Variants in SHROOM3 observed in about 807,000 individuals in gnomAD.
SHROOM3 encodes shroom family member 3.
In SHROOM3, 47 loss-of-function variants were observed where a neutral mutation model predicts 138.6. The ratio of observed to expected loss-of-function variants is 0.34; its 90% CI spans 0.27 to 0.43. SHROOM3 has a LOEUF of 0.43. Among genes scored for constraint, SHROOM3 ranks in the 20% least tolerant of loss-of-function variants. The pLI, the probability that SHROOM3 is intolerant of heterozygous loss-of-function variation, is 1.00. For missense variants in SHROOM3, 2,491 were observed against 2,596.5 expected, an observed-to-expected ratio of 0.96 and a Z score of 0.88; for synonymous variants, 1,062 against 1,063.3, an observed-to-expected ratio of 1.00 and a Z score of 0.02.
intron 2 of SHROOM3, among the ~76,000 whole-genome samples, chr4:76,703,592 A>T (rs1719964376): frequency 6.6e-6 from 1 of 152,214 alleles, no homozygotes; most frequent in South Asian, 2.1e-4. Flanking sequence ...AGCCTCCTGG[A>T]GACTCAAGAG....
chr4:76,756,065 T>C (rs1297637790), intron 7 of SHROOM3, among the ~76,000 whole-genome samples: 1 of 152,190 alleles, frequency 6.6e-6, no homozygotes, highest in East Asian at 1.9e-4. Flanking sequence ...CCTCAGGAGA[T>C]GACAACCTCC....
chr4:76,449,786 T>C (rs1730886449), intron 1 of SHROOM3, among the ~76,000 whole-genome samples: 1 of 152,228 alleles, frequency 6.6e-6, no homozygotes, highest in Admixed American at 6.5e-5. Context: ...CTAAATATGC[T>C]TCCAGTCCTC....
intron 2 of SHROOM3, among the ~76,000 whole-genome samples, chr4:76,624,935 C>T (rs1468685054): frequency 6.6e-6 from 1 of 152,088 alleles, no homozygotes; most frequent in African/African-American, 2.4e-5. Context: ...CCTTTATGAC[C>T]TATTGTTTCT....
chr4:76,719,553 T>G (rs377410501), intron 3 of SHROOM3, among the ~76,000 whole-genome samples: 2 of 152,252 alleles, frequency 1.3e-5, no homozygotes, highest in African/African-American at 2.4e-5. Flanking sequence ...CATCAAATTC[T>G]GCTTGATTTT....
chr4:76,632,701 G>A (rs13138866), intron 2 of SHROOM3, among the ~76,000 whole-genome samples: 35,102 of 152,030 alleles, frequency 0.23, 4,201 homozygotes, highest in East Asian at 0.38. Flanking sequence ...AGGACTACAA[G>A]CAGTATTGGT....
intron 9 of SHROOM3, 108 bp from the exon 10 acceptor site, chr4:76,770,518 A>G: frequency 7.7e-7 from 1 of 1,305,816 alleles, no homozygotes; most frequent in Non-Finnish European, 1.1e-6. Flanking sequence ...AAGGGGGAGG[A>G]TATTCAGCTG....
chr4:76,579,600 C>T (rs1226975667), intron 2 of SHROOM3, among the ~76,000 whole-genome samples: 1 of 152,248 alleles, frequency 6.6e-6, no homozygotes, highest in Non-Finnish European at 1.5e-5. Context: ...GTCAGACGAT[C>T]TGGCAGCAGT....
chr4:76,543,957 ACTT>A (rs1733159059), intron 1 of SHROOM3, among the ~76,000 whole-genome samples: 1 of 152,314 alleles, frequency 6.6e-6, no homozygotes, highest in African/African-American at 2.4e-5. Context: ...ACCTTCTTAG[ACTT>A]CTTATTAGCC....
chr4:76,752,210 C>T (rs1721647580), intron 6 of SHROOM3, among the ~76,000 whole-genome samples: 1 of 152,176 alleles, frequency 6.6e-6, no homozygotes, highest in East Asian at 1.9e-4. Context: ...CACAAAAAGA[C>T]ATACTGTATA....
At position 76,741,900 on chromosome 4, in the gene SHROOM3, T is replaced by C. The variant is rs113327098; in HGVS notation, c.3727T>C (p.Ser1243Pro). The C allele has an allele frequency of 1.2e-6, 2 of 1,612,314 alleles. No homozygotes were observed. Among genetic ancestry groups the C allele is most frequent in the South Asian group, 1.1e-5 (1 of 90,980 alleles). ...AGPVHVRSRS[S>P]PATADKRQDV... ...CCCTGTCCATGTGAGGTCCAGGTCA[T>C]CTCCCGCCACCGCAGACAAGCGCCA... The change falls in exon 5 of 11, where the codon TCT becomes CCT. Residue 1243 changes from serine to proline, a missense_variant. This residue lies in a region of SHROOM3 where 1,733 missense variants were observed against 1,661.6 expected (regional missense o/e 1.04). Coordinates refer to ENST00000296043, the MANE Select transcript of SHROOM3 (RefSeq NM_020859.4). The surrounding 1 kb of genome is among the most constrained non-coding windows in gnomAD (Gnocchi z 6.2).
At chr4:76,584,046 G>A (rs553266348) in intron 2 of SHROOM3, among the ~76,000 whole-genome samples, 9 of 152,262 alleles carry the variant, frequency 5.9e-5, no homozygotes, top group African/African-American at 2.2e-4. Flanking sequence ...TGGGTACGGC[G>A]GCTCACGCCT....
intron 2 of SHROOM3, among the ~76,000 whole-genome samples, chr4:76,627,622 A>G (rs1004685350): frequency 6.6e-6 from 1 of 151,906 alleles, no homozygotes; most frequent in African/African-American, 2.4e-5. Context: ...TATGATTATC[A>G]TAGGTTTAAA....
intron 2 of SHROOM3, among the ~76,000 whole-genome samples, chr4:76,640,993 C>A (rs947874541): frequency 6.6e-6 from 1 of 152,116 alleles, no homozygotes; most frequent in African/African-American, 2.4e-5. Context: ...AATGGGGGAT[C>A]GAAGTCCAGG....
Position 76,739,554 on chromosome 4 carries a change from C to A in SHROOM3, c.1381C>A (p.Pro461Thr), listed in dbSNP as rs756962293. The change falls in exon 5 of 11, where the codon CCT (proline) becomes ACT (threonine). Residue 461 changes from proline to threonine, a missense_variant. Coordinates refer to ENST00000296043, the MANE Select transcript of SHROOM3 (RefSeq NM_020859.4). ...NYTQKAQPGQ[P>T]LLPTSIYPVP... is the part of the protein sequence containing the mutation. ...TACCCAGAAGGCCCAACCTGGCCAA[C>A]CTCTGCTGCCGACCAGCATCTACCC... 8.7e-6 allele frequency: 14 copies of A among 1,614,090 alleles called. No individual in the cohort carries two copies. The highest frequency in any genetic ancestry group is 1.3e-5 in the African/African-American group (1 of 74,938).
intron 2 of SHROOM3, among the ~76,000 whole-genome samples, chr4:76,690,925 T>C (rs1719512416): frequency 1.3e-5 from 2 of 152,124 alleles, no homozygotes; most frequent in Non-Finnish European, 2.9e-5. Context: ...TAAACTTACT[T>C]AAAAAAATGT....
intron 10 of SHROOM3, among the ~76,000 whole-genome samples, chr4:76,775,758 CCATA>C (rs1722537391): frequency 6.6e-6 from 1 of 150,930 alleles, no homozygotes; most frequent in African/African-American, 2.4e-5. Context: ...TATACACACA[CCATA>C]TATATGTGTA....
At chr4:76,671,353 C>A (rs182000744) in intron 2 of SHROOM3, among the ~76,000 whole-genome samples, 2 of 152,342 alleles carry the variant, frequency 1.3e-5, no homozygotes. Flanking sequence ...TTAAAAACTT[C>A]CAATGGCTTC....
chr4:76,767,709 C>T (rs990082023), intron 9 of SHROOM3, among the ~76,000 whole-genome samples: 2 of 151,966 alleles, frequency 1.3e-5, no homozygotes, highest in African/African-American at 4.8e-5. Context: ...AAAGCAGCCT[C>T]TAAGAGCCAC....
intron 1 of SHROOM3, among the ~76,000 whole-genome samples, chr4:76,463,919 T>C (rs1731193900): frequency 6.6e-6 from 1 of 152,240 alleles, no homozygotes; most frequent in Non-Finnish European, 1.5e-5. Flanking sequence ...GATGTCCAGG[T>C]AGACGTCTGC....
Sources: gnomAD v4.1 joint callset for allele counts (sites outside exome capture counted in the v4.1 genomes callset) on GRCh38, gnomAD v4.1.1 for gene constraint, gnomAD v4.1.1 regional missense constraint, Gnocchi (gnomAD v3.1) non-coding constraint, MANE v1.5 for transcripts, NCBI Gene and HGNC (gene_info 2026-07-23, HGNC 2026-07-21) for gene names.